SLC35F1: variants seen among roughly 807,000 people sequenced by gnomAD.
The protein encoded by SLC35F1 is chromosome 6 open reading frame 169.
Under a neutral mutation model 48.7 loss-of-function variants are expected in SLC35F1, and 14 were observed. The ratio of observed to expected loss-of-function variants is 0.29; its 90% confidence interval spans 0.19 to 0.45. The LOEUF is 0.45. SLC35F1 is among the 20% of genes least tolerant of loss of function. The pLI, the probability that SLC35F1 is intolerant of heterozygous loss-of-function variation, is 1.00. For missense variants in SLC35F1, 404 were observed against 500.0 expected (o/e 0.81, Z 1.83); for synonymous variants, 190 against 202.2 (o/e 0.94, Z 0.51).
intron 1 of SLC35F1, among the ~76,000 whole-genome samples, chr6:118,035,281 G>A (rs1433644175): frequency 2.0e-5 from 3 of 151,828 alleles, no homozygotes; most frequent in Non-Finnish European, 4.4e-5. Context: ...AATGTACTCG[G>A]GGGTTTATGC....
intron 7 of SLC35F1, among the ~76,000 whole-genome samples, chr6:118,300,639 A>G (rs1206639803): frequency 6.6e-6 from 1 of 152,202 alleles, no homozygotes; most frequent in African/African-American, 2.4e-5. Flanking sequence ...GAAGATTAAA[A>G]TGGTTTATGA....
intron 1 of SLC35F1, among the ~76,000 whole-genome samples, chr6:118,094,298 G>A (rs1773117666): frequency 6.6e-6 from 1 of 152,114 alleles, no homozygotes; most frequent in Admixed American, 6.6e-5. Context: ...GAATATAATG[G>A]GACCAGATGA....
intron 1 of SLC35F1, among the ~76,000 whole-genome samples, chr6:117,964,729 T>G (rs190803506): frequency 5.7e-4 from 87 of 152,270 alleles, no homozygotes; most frequent in African/African-American, 2.0e-3. Flanking sequence ...CCCACTTAGC[T>G]CAAGCCACTG....
chr6:118,221,434 G>A (rs1036623816), intron 2 of SLC35F1, among the ~76,000 whole-genome samples: 1 of 152,078 alleles, frequency 6.6e-6, no homozygotes. Flanking sequence ...TGACCTCCAA[G>A]ACTGAAATAA....
rs372410242 is a variant in SLC35F1 at position 118,238,189 on chromosome 6, G to A, written c.477+2553G>A. Among the ~76,000 whole-genome samples, 24 of 151,922 alleles carry A rather than the reference G, an allele frequency of 1.6e-4. 1 individual carries two copies. The highest frequency in any genetic ancestry group is 1.5e-3 in the East Asian group (8 of 5,162). ...TTCTATTACTTGGAATATCCTTTTCGTCTCCATCCCCTACCTAATGAAGTC... is the reference window on the plus strand; with the variant it reads ...TTCTATTACTTGGAATATCCTTTTCATCTCCATCCCCTACCTAATGAAGTC... On this transcript the variant is annotated intron_variant, in intron 3 of 7. Coordinates refer to ENST00000360388, the MANE Select transcript of SLC35F1 (RefSeq NM_001029858.4).
intron 6 of SLC35F1, 121 bp downstream of exon 6, chr6:118,277,667 A>T: frequency 1.2e-6 from 1 of 813,892 alleles, no homozygotes; most frequent in Non-Finnish European, 2.1e-6. Context: ...GACAAGGGAA[A>T]ATGAAATCCC....
chr6:118,154,364 G>A, intron 1 of SLC35F1, 81 bp from the exon 2 acceptor site: 3 of 1,256,348 alleles, frequency 2.4e-6, no homozygotes, highest in Non-Finnish European at 3.3e-6. Context: ...CATGCTACCA[G>A]TGCTCAAAAA....
intron 2 of SLC35F1, among the ~76,000 whole-genome samples, chr6:118,233,671 T>G (rs1775325791): frequency 6.6e-6 from 1 of 152,156 alleles, no homozygotes; most frequent in Non-Finnish European, 1.5e-5. Context: ...AAGCACCCAG[T>G]CTAGTGAAGA....
At position 118,168,245 on chromosome 6, in the gene SLC35F1, A is replaced by G. The variant is rs576540055; in HGVS notation, c.349+13625A>G. Among the ~76,000 whole-genome samples, 3 of 152,238 alleles carry G rather than the reference A, an allele frequency of 2.0e-5. 1 individual carries two copies. The highest frequency in any genetic ancestry group is 1.9e-4 in the East Asian group (1 of 5,180). On this transcript the variant is annotated intron_variant, in intron 2 of 7. Transcript: ENST00000360388. The stretch of plus-strand genomic sequence containing the variant: ...GCCGCTTCTTGGTTGCTGGGCTTCT[A>G]TGAACTAGACCAGAAGGCTATTTTG...
intron 3 of SLC35F1, among the ~76,000 whole-genome samples, chr6:118,262,335 G>T (rs1775723298): frequency 1.3e-5 from 2 of 152,080 alleles, no homozygotes; most frequent in South Asian, 4.1e-4. Flanking sequence ...ATAACCAAAT[G>T]TGATTAAAGG....
At chr6:118,102,046 A>G (rs936645445) in intron 1 of SLC35F1, among the ~76,000 whole-genome samples, 3 of 152,194 alleles carry the variant, frequency 2.0e-5, no homozygotes, top group East Asian at 1.9e-4. Context: ...CTCACTAACC[A>G]CAGGGCTGGG....
At chr6:118,228,833 T>C (rs966304424) in intron 2 of SLC35F1, among the ~76,000 whole-genome samples, 1 of 152,130 alleles carries the variant, frequency 6.6e-6, no homozygotes, top group Non-Finnish European at 1.5e-5. Context: ...AGCATCACTC[T>C]TGCTGCAGAC....
intron 3 of SLC35F1, among the ~76,000 whole-genome samples, chr6:118,265,183 A>G (rs573112202): frequency 7.2e-4 from 109 of 152,354 alleles, no homozygotes; most frequent in African/African-American, 2.5e-3. Context: ...GAGGGGATTC[A>G]CAATGCTATT....
At chr6:117,909,465 T>G (rs750202620) in intron 1 of SLC35F1, among the ~76,000 whole-genome samples, 6 of 152,196 alleles carry the variant, frequency 3.9e-5, no homozygotes, top group Non-Finnish European at 7.3e-5. Context: ...TATTTCTTGA[T>G]ATGTAATGAA....
At chr6:118,247,361 A>G (rs985780387) in intron 3 of SLC35F1, among the ~76,000 whole-genome samples, 1 of 152,178 alleles carries the variant, frequency 6.6e-6, no homozygotes, top group Non-Finnish European at 1.5e-5. Flanking sequence ...CTGCTGCTAG[A>G]TAGGAACAAA....
chr6:117,964,482 C>A (rs1776535810), intron 1 of SLC35F1, among the ~76,000 whole-genome samples: 1 of 152,148 alleles, frequency 6.6e-6, no homozygotes, highest in African/African-American at 2.4e-5. Flanking sequence ...TTTTTCTAGG[C>A]AAACTCATCC....
At chr6:118,114,793 A>G (rs184508763) in intron 1 of SLC35F1, among the ~76,000 whole-genome samples, 1 of 152,228 alleles carries the variant, frequency 6.6e-6, no homozygotes, top group African/African-American at 2.4e-5. Context: ...GCATTGATAT[A>G]AAACAGGAAC....
chr6:118,290,018 T>C (rs1776101723), intron 7 of SLC35F1, among the ~76,000 whole-genome samples: 1 of 152,224 alleles, frequency 6.6e-6, no homozygotes, highest in African/African-American at 2.4e-5. Context: ...ATCCCTGGCC[T>C]TGATCTACCA....
intron 1 of SLC35F1, among the ~76,000 whole-genome samples, chr6:118,123,718 A>C (rs191331494): frequency 6.6e-6 from 1 of 152,296 alleles, no homozygotes; most frequent in Non-Finnish European, 1.5e-5. Flanking sequence ...TCTTGTCAAA[A>C]CATTACACCA....
Sources: allele counts gnomAD v4.1 joint callset (sites outside exome capture counted in the v4.1 genomes callset), GRCh38; gene constraint gnomAD v4.1.1; transcripts MANE v1.5; gene names NCBI Gene and HGNC (gene_info 2026-07-23, HGNC 2026-07-21).